Variants in ATAD1 observed in about 807,000 individuals in gnomAD.
ATAD1 encodes outer mitochondrial transmembrane helix translocase.
In ATAD1, 18 loss-of-function variants were observed where a neutral mutation model predicts 42.7. The ratio of observed to expected loss-of-function variants is 0.42; its 90% CI spans 0.29 to 0.63. The LOEUF (loss-of-function observed/expected upper bound fraction) is 0.63, where lower values mean the gene tolerates loss of function less well. Among genes scored for constraint, ATAD1 ranks in the 20% least tolerant of loss-of-function variants. The pLI is 0.19. For synonymous variants in ATAD1, 132 were observed against 143.1 expected (o/e 0.92, Z 0.55); for missense variants, 294 against 440.4 (o/e 0.67, Z 2.98).
chr10:87,755,745 C>A (rs939257821), intron 9 of ATAD1, among the ~76,000 whole-genome samples: 2 of 151,978 alleles, frequency 1.3e-5, no homozygotes, highest in African/African-American at 4.8e-5. Context: ...CCCGTCTCTA[C>A]TAAAAATACA....
chr10:87,800,590 T>G (rs1217953918), intron 2 of ATAD1, among the ~76,000 whole-genome samples: 1 of 152,098 alleles, frequency 6.6e-6, no homozygotes, highest in Non-Finnish European at 1.5e-5. Context: ...TTGGTTTGCT[T>G]GGGGAAAAAA....
intron 2 of ATAD1, among the ~76,000 whole-genome samples, chr10:87,810,594 G>C (rs1857135406): frequency 6.6e-6 from 1 of 152,068 alleles, no homozygotes; most frequent in Non-Finnish European, 1.5e-5. Flanking sequence ...CATTTATGTA[G>C]CAAACATTTT....
chr10:87,834,163 A>G (rs912424500), intron 1 of ATAD1, among the ~76,000 whole-genome samples: 1 of 152,096 alleles, frequency 6.6e-6, no homozygotes, highest in African/African-American at 2.4e-5. Flanking sequence ...ATGGTGTATA[A>G]TATTTTTATA....
intron 5 of ATAD1, among the ~76,000 whole-genome samples, chr10:87,784,138 T>A (rs1855704849): frequency 6.6e-6 from 1 of 152,166 alleles, no homozygotes; most frequent in South Asian, 2.1e-4. Context: ...GTAATCCTAG[T>A]GAGGTTGAAG....
At position 87,776,325 on chromosome 10, in the gene ATAD1, C is replaced by T; in HGVS notation, c.686G>A (p.Cys229Tyr). Residue 229 changes from cysteine to tyrosine, a missense_variant, in exon 6 of 10, where the codon TGC (cysteine) becomes TAC (tyrosine). Transcript: ENST00000680024. ...LWDGLDTDHS[C>Y]QVIVMGATNR... ...GGGCAGATTTTATTCAAATACCTGG[C>T]AGCTGTGATCAGTATCCAATCCATC... 6.2e-7 allele frequency: 1 copy of T among 1,608,586 alleles called. No individual in the cohort carries two copies. The highest frequency in any genetic ancestry group is 8.5e-7 in the Non-Finnish European group (1 of 1,177,074).
chr10:87,762,619 C>T (rs1028098699), intron 8 of ATAD1, among the ~76,000 whole-genome samples: 1 of 151,830 alleles, frequency 6.6e-6, no homozygotes, highest in African/African-American at 2.4e-5. Flanking sequence ...TGCCAGCCAC[C>T]ATGTCCAGCT....
intron 1 of ATAD1, among the ~76,000 whole-genome samples, chr10:87,824,678 T>C (rs1034982549): frequency 1.3e-5 from 2 of 152,216 alleles, no homozygotes; most frequent in East Asian, 3.8e-4. Context: ...GTAAGGACAA[T>C]GATCTTTTCA....
At chr10:87,794,676 A>T (rs1258493162) in intron 2 of ATAD1, among the ~76,000 whole-genome samples, 7 of 152,222 alleles carry the variant, frequency 4.6e-5, no homozygotes, top group Non-Finnish European at 8.8e-5. Flanking sequence ...CAAAATGTCA[A>T]CAATGCCTGA....
chr10:87,832,313 G>A (rs1007461951), intron 1 of ATAD1: 1 of 151,660 alleles, frequency 6.6e-6, no homozygotes. Context: ...ATGATCACTT[G>A]AGCCCACGAG....
intron 1 of ATAD1, among the ~76,000 whole-genome samples, chr10:87,817,365 C>T (rs543876572): frequency 2.0e-5 from 3 of 152,266 alleles, no homozygotes; most frequent in East Asian, 3.9e-4. Flanking sequence ...TGTACATATA[C>T]GATGATAGTG....
At chr10:87,840,617 T>C (rs1469398497) in intron 1 of ATAD1, among the ~76,000 whole-genome samples, 1 of 152,258 alleles carries the variant, frequency 6.6e-6, no homozygotes, top group African/African-American at 2.4e-5. Flanking sequence ...GAAACAGGTA[T>C]ATTACTATGT....
chr10:87,793,956 G>A (rs1373255758), intron 2 of ATAD1, among the ~76,000 whole-genome samples: 1 of 152,038 alleles, frequency 6.6e-6, no homozygotes, highest in African/African-American at 2.4e-5. Flanking sequence ...TACTATGGGG[G>A]CCAGGAATGG....
At chr10:87,798,139 T>C (rs76436747) in intron 2 of ATAD1, among the ~76,000 whole-genome samples, 1 of 152,162 alleles carries the variant, frequency 6.6e-6, no homozygotes, top group African/African-American at 2.4e-5. Context: ...TCAGAGGTCA[T>C]GGACCTCTGG....
chr10:87,814,716 C>G (rs1440185552), intron 1 of ATAD1, 104 bp from the exon 2 acceptor site: 1 of 879,114 alleles, frequency 1.1e-6, no homozygotes, highest in African/African-American at 1.8e-5. Flanking sequence ...AACTTCTAGT[C>G]AAATTAAAAT....
chr10:87,784,364 C>A, intron 5 of ATAD1, 106 bp downstream of exon 5: 1 of 1,062,970 alleles, frequency 9.4e-7, no homozygotes, highest in Middle Eastern at 3.1e-4. Context: ...TGGTTATGTT[C>A]TTTGTTTTAT....
chr10:87,793,230 T>C (rs1003398590), intron 2 of ATAD1, among the ~76,000 whole-genome samples: 3 of 152,192 alleles, frequency 2.0e-5, no homozygotes, highest in Admixed American at 6.5e-5. Context: ...GTATCTACAA[T>C]AGATGGCCAC....
chr10:87,758,451 A>C (rs941609783), intron 8 of ATAD1, among the ~76,000 whole-genome samples: 6 of 152,176 alleles, frequency 3.9e-5, no homozygotes, highest in Admixed American at 1.3e-4. Flanking sequence ...CATTAAAATA[A>C]TAATGAATGA....
intron 1 of ATAD1, among the ~76,000 whole-genome samples, chr10:87,816,670 CA>C (rs944229196): frequency 6.6e-6 from 1 of 151,042 alleles, no homozygotes; most frequent in South Asian, 2.1e-4. Context: ...GCATGGATTC[CA>C]AAAAAAACGG....
Position 87,784,588 on chromosome 10 carries a change from A to G in ATAD1, c.465T>C (p.Ile155=), listed in dbSNP as rs1393146743. ...CGGTCAGTGTCGAAGGCTGAAGGTT[A>G]ATAAATCGACAGCCTGCTTCTTTGG... ...ATAKEAGCRF[I]NLQPSTLTDK... Residue 155 remains isoleucine, a synonymous_variant, in exon 5 of 10, where the codon ATT becomes ATC. Transcript: ENST00000680024. 6.2e-7 allele frequency: 1 copy of G among 1,613,476 alleles called. No individual in the cohort carries two copies. The highest frequency in any genetic ancestry group is 1.3e-5 in the African/African-American group (1 of 74,912).
Sources: allele counts gnomAD v4.1 joint callset (sites outside exome capture counted in the v4.1 genomes callset), GRCh38; gene constraint gnomAD v4.1.1; transcripts MANE v1.5; gene names NCBI Gene and HGNC (gene_info 2026-07-23, HGNC 2026-07-21).